The following MRC2 variants were observed in gnomAD, a reference collection of about 807,000 sequenced individuals.
MRC2 encodes mannose receptor C-type 2.
A neutral mutation model predicts 206.2 loss-of-function variants in MRC2; 84 were observed. The ratio of observed to expected loss-of-function variants is 0.41; its 90% CI spans 0.34 to 0.49. The LOEUF is 0.49. MRC2 is among the 20% of genes least tolerant of loss of function. The pLI is 0.31. For missense variants in MRC2, 1,676 were observed against 2,001.5 expected, an observed-to-expected ratio of 0.84 and a Z score of 3.10; for synonymous variants, 798 against 800.0, an observed-to-expected ratio of 1.00 and a Z score of 0.04.
chr17:62,672,005 G>A lies in MRC2; in HGVS notation c.1314G>A (p.Glu438=). The change falls in exon 8 of 30, where the codon GAG becomes GAA. Residue 438 remains glutamate (E), a synonymous_variant. Transcript: ENST00000303375. The surrounding 1 kb of genome is among the most constrained non-coding windows in gnomAD (Gnocchi z 4.5). ...FITKQIKQEV[E]ELWIGLNDLK... Reference sequence around the variant, plus strand: ...CTCCTGCTGCACCCCCAGAGGTGGAGGAGCTGTGGATCGGCCTCAACGATT... The same window carrying A: ...CTCCTGCTGCACCCCCAGAGGTGGAAGAGCTGTGGATCGGCCTCAACGATT... 2.5e-6 allele frequency: 4 copies of A among 1,614,136 alleles called. No individual in the cohort carries two copies. Among genetic ancestry groups the A allele is most frequent in the Non-Finnish European group, 1.7e-6 (2 of 1,180,034 alleles).
In MRC2 at chr17:62,692,022, G is replaced by C; in HGVS notation, c.4193-90G>C. On this transcript the variant is annotated intron_variant, in intron 28 of 29. Coordinates refer to ENST00000303375, the MANE Select transcript of MRC2 (RefSeq NM_006039.5). This position sits in a 1 kb window ranked among gnomAD's most constrained non-coding sequence, Gnocchi z 4.2. ...GAGCCTCTTTCTCCCCAGACCTCCC[G>C]GCCCAGGCCTGTGTGCTTTGTATGT... 24 of 1,571,704 alleles carry C rather than the reference G, an allele frequency of 1.5e-5. No individual in the cohort carries two copies. The highest frequency in any genetic ancestry group is 2.1e-5 in the Non-Finnish European group (24 of 1,145,614).
At chr17:62,642,590 G>C (rs554694247) in intron 1 of MRC2, among the ~76,000 whole-genome samples, 229 of 152,258 alleles carry the variant, frequency 1.5e-3, no homozygotes, top group African/African-American at 4.6e-3. Context: ...GGGATTACAG[G>C]TGCCTGACAC....
intron 11 of MRC2, 131 bp downstream of exon 11, chr17:62,676,662 C>A: frequency 8.4e-7 from 1 of 1,190,056 alleles, no homozygotes; most frequent in Non-Finnish European, 1.1e-6. Flanking sequence ...TGTCTATGAG[C>A]ACAAGCTCTG....
Position 62,672,292 on chromosome 17 carries a change from C to A in MRC2, c.1461+140C>A. The A allele has an allele frequency of 1.0e-6, 1 of 956,378 alleles. No individual in the cohort carries two copies. The highest frequency in any genetic ancestry group is 1.6e-6 in the Non-Finnish European group (1 of 637,316). 59.2% of individuals were successfully genotyped at this position (956,378 alleles called of 1,614,324 possible). A position where few individuals can be genotyped will look rare whatever the true frequency, so the allele number is the denominator to read the frequency against. On this transcript the variant is annotated intron_variant, in intron 8 of 29. Coordinates refer to ENST00000303375, the MANE Select transcript of MRC2 (RefSeq NM_006039.5). This position sits in a 1 kb window ranked among gnomAD's most constrained non-coding sequence, Gnocchi z 4.5. ...TCTCAGCAGTCCCCCTCCTCCCCACCAATGCCTTCCCTTCCATGTGAGAGA... is the reference window on the plus strand; with the variant it reads ...TCTCAGCAGTCCCCCTCCTCCCCACAAATGCCTTCCCTTCCATGTGAGAGA...
rs539136232 is a variant in MRC2 at position 62,665,885 on chromosome 17, G to A, written c.521-209G>A. On this transcript the variant is annotated intron_variant, in intron 2 of 29. Coordinates refer to ENST00000303375, the MANE Select transcript of MRC2 (RefSeq NM_006039.5). ...GAGCCCCTTCCCAGCCCTATGAGGT[G>A]TGCAGCAAGACCTCTCTCTGGTTCC... Among the ~76,000 whole-genome samples the A allele has an allele frequency of 1.7e-4, 26 of 152,304 alleles. 1 individual carries two copies. The South Asian group carries it at 5.2e-3, about 30-fold the overall frequency.
chr17:62,629,748 C>T (rs1349730701), intron 1 of MRC2, among the ~76,000 whole-genome samples: 3 of 152,238 alleles, frequency 2.0e-5, no homozygotes, highest in South Asian at 2.1e-4. Context: ...GCCCCTAGTA[C>T]CTGGTGAATT....
chr17:62,679,008 C>T (rs2088928273), intron 13 of MRC2, among the ~76,000 whole-genome samples: 1 of 152,162 alleles, frequency 6.6e-6, no homozygotes, highest in Non-Finnish European at 1.5e-5. Context: ...TCACCTTACA[C>T]CATCCTACAA....
intron 2 of MRC2, 103 bp downstream of exon 2, chr17:62,665,052 C>A: frequency 2.4e-6 from 3 of 1,251,506 alleles, no homozygotes; most frequent in Non-Finnish European, 3.3e-6. Context: ...CCTCTGTGGA[C>A]CCTTGGCAGT....
rs373083308 is a variant in MRC2, at chr17:62,690,141, C to T, written c.3743-15C>T. 12 of 1,595,352 alleles carry T rather than the reference C, an allele frequency of 7.5e-6. No homozygotes were observed. The highest frequency in any genetic ancestry group is 1.0e-5 in the Non-Finnish European group (12 of 1,168,516). On this transcript the variant is annotated splice_polypyrimidine_tract_variant and intron_variant, in intron 25 of 29. Coordinates refer to ENST00000303375, the MANE Select transcript of MRC2 (RefSeq NM_006039.5). ...GGAGGGTGCTGAGCCACTTCTTAAT[C>T]CTGTACCCCCACAGGGCCCCCTCCT...
chr17:62,691,159 C>A, intron 28 of MRC2, 31 bp downstream of exon 28: 1 of 1,567,462 alleles, frequency 6.4e-7, no homozygotes, highest in Non-Finnish European at 8.6e-7. Flanking sequence ...CGCTCAGCCT[C>A]CTTCCACCCC....
Position 62,691,068 on chromosome 17 carries a change from C to T in MRC2, c.4132C>T (p.Leu1378=). The T allele has an allele frequency of 6.2e-7, 1 of 1,610,040 alleles. No individual in the cohort carries two copies. Among genetic ancestry groups the T allele is most frequent in the Non-Finnish European group, 8.5e-7 (1 of 1,178,958 alleles). The change falls in exon 28 of 30, where the codon CTA becomes TTA. Residue 1378 remains leucine, a synonymous_variant. Coordinates refer to ENST00000303375, the MANE Select transcript of MRC2 (RefSeq NM_006039.5). ...SCYWIQSNSG[L]WRPGACTNIT... ...CTACTGGATTCAGAGCAACAGCGGG[C>T]TATGGCGCCCCGGCGCTTGCACCAA...
chr17:62,664,143 T>A lies in MRC2; in HGVS notation c.119-405T>A, dbSNP rs2088716409. Reference sequence around the variant, plus strand: ...CCCGGCTAATTTTTTGTATTTTTAGTAGAGACGGGGTTTCACCGTTTTAGC... The same window carrying A: ...CCCGGCTAATTTTTTGTATTTTTAGAAGAGACGGGGTTTCACCGTTTTAGC... On this transcript the variant is annotated intron_variant, in intron 1 of 29. Coordinates refer to ENST00000303375, the MANE Select transcript of MRC2 (RefSeq NM_006039.5). This position sits in a 1 kb window ranked among gnomAD's most constrained non-coding sequence, Gnocchi z 4.7. Among the ~76,000 whole-genome samples the A allele has an allele frequency of 6.6e-6, 1 of 151,764 alleles. No individual in the cohort carries two copies. Among genetic ancestry groups the A allele is most frequent in the South Asian group, 2.1e-4 (1 of 4,810 alleles).
At chr17:62,640,398 G>T (rs1297323894) in intron 1 of MRC2, among the ~76,000 whole-genome samples, 1 of 152,162 alleles carries the variant, frequency 6.6e-6, no homozygotes, top group Non-Finnish European at 1.5e-5. Context: ...CAACACCGTG[G>T]TGAGCAGGCT....
rs565952567 is a variant in MRC2 at position 62,680,031 on chromosome 17, A to C, written c.2298+129A>C. On this transcript the variant is annotated intron_variant, in intron 14 of 29. Transcript: ENST00000303375. This position sits in a 1 kb window ranked among gnomAD's most constrained non-coding sequence, Gnocchi z 4.8. ...CCCCCAGTCGGAGCCGGCTTCAGGA[A>C]AGCAGGTCCGAGAGGGGTCACCCGG... The C allele has an allele frequency of 2.9e-5, 44 of 1,503,684 alleles. 1 individual carries two copies. In the South Asian group the frequency reaches 5.2e-4, roughly 18 times the overall value. The allele number at this position is 1,503,684 out of a possible 1,614,324, so 93.1% of individuals were successfully genotyped here.
intron 9 of MRC2, among the ~76,000 whole-genome samples, chr17:62,674,800 G>A (rs2088870793): frequency 6.6e-6 from 1 of 152,114 alleles, no homozygotes; most frequent in Non-Finnish European, 1.5e-5. Flanking sequence ...CCAGGGAGTG[G>A]AGCAGGGGTG....
intron 1 of MRC2, among the ~76,000 whole-genome samples, chr17:62,630,886 C>T (rs973787060): frequency 3.3e-5 from 5 of 152,062 alleles, no homozygotes; most frequent in East Asian, 3.9e-4. Flanking sequence ...TCTTACTGTT[C>T]CCCCACGCAA....
In MRC2 at chr17:62,686,755, C is replaced by T. The variant is rs533536872; in HGVS notation, c.2947-1534C>T. On this transcript the variant is annotated intron_variant, in intron 20 of 29. Transcript: ENST00000303375. ...CACTTCTTGCTGGTACTGGTGTGACCTTGCTGCTTCCAAGTTTATGATGAA... is the reference window on the plus strand; with the variant it reads ...CACTTCTTGCTGGTACTGGTGTGACTTTGCTGCTTCCAAGTTTATGATGAA... Among the ~76,000 whole-genome samples, 16 of 152,322 alleles carry T rather than the reference C, an allele frequency of 1.1e-4. 2 individuals carry two copies. The South Asian group carries it at 1.7e-3, about 16-fold the overall frequency.
At chr17:62,691,186 G>C in intron 28 of MRC2, 58 bp downstream of exon 28, 1 of 1,517,188 alleles carries the variant, frequency 6.6e-7, no homozygotes, top group Middle Eastern at 2.0e-4. Context: ...CTGGTCCTGG[G>C]CTGGGGCTGG....
In MRC2 at chr17:62,671,718, T is replaced by A; in HGVS notation, c.1187T>A (p.Leu396Gln). The change falls in exon 7 of 30, where the codon CTG (leucine) becomes CAG (glutamine). Residue 396 changes from leucine to glutamine, a missense_variant. Physicochemically the swap from Leu to Gln is moderately radical, Grantham distance 113. Coordinates refer to ENST00000303375, the MANE Select transcript of MRC2 (RefSeq NM_006039.5). The surrounding 1 kb of genome is among the most constrained non-coding windows in gnomAD (Gnocchi z 4.5). ...WQPFQGHCYR[L>Q]QAEKRSWQES... is the part of the protein sequence containing the mutation. ...CCCTTCCAGGGCCACTGCTACCGCC[T>A]GCAGGCCGAGAAGCGCAGCTGGCAG... is the stretch of plus-strand genomic sequence containing the variant. The A allele has an allele frequency of 6.2e-7, 1 of 1,612,712 alleles. No individual in the cohort carries two copies. Among genetic ancestry groups the A allele is most frequent in the African/African-American group, 1.3e-5 (1 of 75,010 alleles).
Sources: allele counts gnomAD v4.1 joint callset (sites outside exome capture counted in the v4.1 genomes callset), GRCh38; gene constraint gnomAD v4.1.1; non-coding constraint Gnocchi (gnomAD v3.1); transcripts MANE v1.5; gene names NCBI Gene and HGNC (gene_info 2026-07-23, HGNC 2026-07-21).